The following DIAPH2 variants were observed in gnomAD, a reference collection of about 807,000 sequenced individuals.
The protein encoded by DIAPH2 is diaphanous related formin 2, also known as protein diaphanous homolog 2.
A neutral mutation model predicts 92.7 loss-of-function variants in DIAPH2; 35 were observed. The ratio of observed to expected loss-of-function variants is 0.38; its 90% CI spans 0.29 to 0.50. DIAPH2 has a LOEUF of 0.50. Among genes scored for constraint, DIAPH2 ranks in the 20% least tolerant of loss-of-function variants. The pLI is 0.94. For synonymous variants in DIAPH2, 301 were observed against 280.4 expected (o/e 1.07, Z -0.73); for missense variants, 701 against 819.5 (o/e 0.86, Z 1.77).
intron 22 of DIAPH2, among the ~76,000 whole-genome samples, chrX:97,245,492 C>A (rs981874112): frequency 9.1e-6 from 1 of 110,464 alleles, no homozygotes; most frequent in East Asian, 2.8e-4. Flanking sequence ...AGGCTGCTCT[C>A]GAACTCCTGG....
chrX:97,562,221 C>T (rs973237077), intron 26 of DIAPH2, among the ~76,000 whole-genome samples: 10 of 110,145 alleles, frequency 9.1e-5, no homozygotes, highest in African/African-American at 1.3e-4. Context: ...GATGGCCGGG[C>T]GCGGTGGCTC....
rs1339426389 is a variant in DIAPH2, at chrX:96,995,669, C to A, written c.2050+30462C>A. 3.6e-5 allele frequency among the ~76,000 whole-genome samples: 4 copies of A among 110,989 alleles called. No homozygotes were observed. The East Asian group carries it at 1.1e-3, about 31-fold the overall frequency. ...AATGAATGAAATGTGTTAGTTTAGC[C>A]CTCTCTAAAGATTAATTATTTGAAT... On this transcript the variant is annotated intron_variant, in intron 17 of 26. Coordinates refer to ENST00000324765, the MANE Select transcript of DIAPH2 (RefSeq NM_006729.5).
At chrX:96,807,822 C>G (rs1475802219) in intron 4 of DIAPH2, among the ~76,000 whole-genome samples, 1 of 106,831 alleles carries the variant, frequency 9.4e-6, no homozygotes, top group Non-Finnish European at 1.9e-5. Context: ...CAATTATGGG[C>G]TTTCCTACTG....
chrX:96,699,567 A>G (rs1895134989), intron 1 of DIAPH2, among the ~76,000 whole-genome samples: 2 of 112,211 alleles, frequency 1.8e-5, no homozygotes, highest in South Asian at 7.5e-4. Flanking sequence ...TATTCAGTCT[A>G]AAATGTCAAG....
At chrX:97,185,433 ATGTG>A (rs1569323236) in intron 22 of DIAPH2, among the ~76,000 whole-genome samples, 3 of 57,439 alleles carry the variant, frequency 5.2e-5, no homozygotes, top group African/African-American at 3.6e-4. Context: ...GTATATATAT[ATGTG>A]TATATATATA....
rs1290879529 is a variant in DIAPH2, at chrX:97,571,645, G to GT, written c.3242-27598dup. Among the ~76,000 whole-genome samples, 151 of 106,430 alleles carry GT rather than the reference G, an allele frequency of 1.4e-3. 1 individual carries two copies. Among genetic ancestry groups the GT allele is most frequent in the African/African-American group, 2.8e-3 (82 of 29,440 alleles). The allele number at this position is 106,430 out of a possible 115,157, so 92.4% of individuals were successfully genotyped here. ...AAATTCTTTTATAGAATAGAGGCTG[G>GT]TTTTTTTTTTCATCTTTCCGTTTTT... On this transcript the variant is annotated intron_variant, in intron 26 of 26. Transcript: ENST00000324765.
intron 17 of DIAPH2, among the ~76,000 whole-genome samples, chrX:96,968,072 T>G (rs569232629): frequency 1.6e-4 from 18 of 110,834 alleles, no homozygotes; most frequent in Admixed American, 1.1e-3. Flanking sequence ...TGGGTTTTTT[T>G]TTTGGCTTTT....
intron 21 of DIAPH2, among the ~76,000 whole-genome samples, chrX:97,131,386 A>T (rs481428): frequency 7.2e-5 from 8 of 111,594 alleles, no homozygotes; most frequent in Admixed American, 6.7e-4. Context: ...TAGACCTTCA[A>T]AGTTTTTCAT....
At chrX:97,585,091 A>G (rs1243172957) in intron 26 of DIAPH2, among the ~76,000 whole-genome samples, 1 of 111,779 alleles carries the variant, frequency 8.9e-6, no homozygotes, top group African/African-American at 3.3e-5. Context: ...AAGCAAATAT[A>G]TATAAGCCTT....
intron 4 of DIAPH2, among the ~76,000 whole-genome samples, chrX:96,844,040 A>C (rs1329628837): frequency 8.9e-6 from 1 of 112,311 alleles, no homozygotes; most frequent in Non-Finnish European, 1.9e-5. Flanking sequence ...TAGAGGCTCT[A>C]AGAGGTTAAA....
At position 97,599,237 on chromosome X, in the gene DIAPH2, T is replaced by C. The variant is rs774686576; in HGVS notation, c.3242-16T>C. On this transcript the variant is annotated splice_polypyrimidine_tract_variant and intron_variant, in intron 26 of 26. Coordinates refer to ENST00000324765, the MANE Select transcript of DIAPH2 (RefSeq NM_006729.5). The stretch of plus-strand genomic sequence containing the variant: ...AACTTACCATGCTTTTGGTCCTTTT[T>C]CTGTTTGTCTTACAGATAACAGACG... 4 of 1,168,208 alleles carry C rather than the reference T, an allele frequency of 3.4e-6. No individual in the cohort carries two copies. Among genetic ancestry groups the C allele is most frequent in the East Asian group, 6.2e-5 (2 of 32,520 alleles).
chrX:97,574,671 A>T (rs955832900), intron 26 of DIAPH2, among the ~76,000 whole-genome samples: 2 of 112,044 alleles, frequency 1.8e-5, no homozygotes, highest in Admixed American at 1.9e-4. Context: ...ATATTCAAGG[A>T]AGAGCCAACT....
At chrX:97,580,333 A>G (rs1343986925) in intron 26 of DIAPH2, among the ~76,000 whole-genome samples, 1 of 93,303 alleles carries the variant, frequency 1.1e-5, no homozygotes, top group African/African-American at 3.9e-5. Context: ...ATTATTTTGA[A>G]ATATGTCCCA....
intron 17 of DIAPH2, among the ~76,000 whole-genome samples, chrX:97,038,057 T>C (rs2066423050): frequency 9.0e-6 from 1 of 111,418 alleles, no homozygotes. Context: ...CCAATCTGCA[T>C]GCCCCTGTGT....
intron 22 of DIAPH2, among the ~76,000 whole-genome samples, chrX:97,195,660 C>CAAAAA (rs35918745): frequency 1.9e-5 from 1 of 52,639 alleles, no homozygotes; most frequent in Non-Finnish European, 3.4e-5. Flanking sequence ...GACTCCGTCT[C>CAAAAA]AAAAAAAAAA....
chrX:97,305,504 C>T (rs1438196087), intron 23 of DIAPH2, among the ~76,000 whole-genome samples: 2 of 104,542 alleles, frequency 1.9e-5, no homozygotes, highest in African/African-American at 7.0e-5. Flanking sequence ...AAAAAACAAA[C>T]AAACAAACAA....
At chrX:97,129,146 C>CTTTCTTTTCTTTTCTTTTCTTTCT (rs2067118005) in intron 21 of DIAPH2, among the ~76,000 whole-genome samples, 20 of 36,544 alleles carry the variant, frequency 5.5e-4, no homozygotes, top group African/African-American at 3.2e-3. Flanking sequence ...CTTTTCTTTT[C>CTTTCTTTTCTTTTCTTTTCTTTCT]TTTCTTTTCT....
intron 23 of DIAPH2, among the ~76,000 whole-genome samples, chrX:97,347,819 G>C (rs1441359448): frequency 9.0e-6 from 1 of 111,098 alleles, no homozygotes; most frequent in Non-Finnish European, 1.9e-5. Context: ...TCTAGTGTAA[G>C]AAGAAGCGAT....
chrX:97,308,244 G>A (rs1344169014), intron 23 of DIAPH2, among the ~76,000 whole-genome samples: 5 of 111,644 alleles, frequency 4.5e-5, no homozygotes, highest in African/African-American at 1.6e-4. Flanking sequence ...AATGATCTAG[G>A]CATAAACCAC....
Sources: allele counts gnomAD v4.1 joint callset (sites outside exome capture counted in the v4.1 genomes callset), GRCh38; gene constraint gnomAD v4.1.1; transcripts MANE v1.5; gene names NCBI Gene and HGNC (gene_info 2026-07-23, HGNC 2026-07-21).